The following RSBN1L variants were observed in gnomAD, a reference collection of about 807,000 sequenced individuals.
RSBN1L encodes the protein lysine-specific demethylase RSBN1L.
A neutral mutation model predicts 67.7 loss-of-function variants in RSBN1L; 30 were observed. The ratio of observed to expected loss-of-function variants is 0.44; its 90% CI spans 0.33 to 0.60. The LOEUF (loss-of-function observed/expected upper bound fraction) is 0.60. RSBN1L is among the 20% of genes least tolerant of loss of function. The probability of loss-of-function intolerance (pLI) is 0.02; values close to 1 mark genes in which losing one functional copy is unlikely to be tolerated. For missense variants in RSBN1L, 992 were observed against 1,031.7 expected (o/e 0.96, Z 0.53); for synonymous variants, 433 against 387.0 (o/e 1.12, Z -1.39).
intron 1 of RSBN1L, among the ~76,000 whole-genome samples, chr7:77,707,022 ATTT>A (rs1034017450): frequency 1.5e-5 from 2 of 137,652 alleles, no homozygotes; most frequent in African/African-American, 2.7e-5. Context: ...ATTAAACTAG[ATTT>A]TTTTTTTTTT....
intron 1 of RSBN1L, among the ~76,000 whole-genome samples, chr7:77,726,163 C>T (rs1460969150): frequency 6.6e-6 from 1 of 152,174 alleles, no homozygotes; most frequent in Non-Finnish European, 1.5e-5. Flanking sequence ...TAACATCTTA[C>T]ATTTTTCTAG....
At chr7:77,770,780 CTAATA>C (rs1288162537) in intron 5 of RSBN1L, among the ~76,000 whole-genome samples, 2 of 152,238 alleles carry the variant, frequency 1.3e-5, no homozygotes, top group African/African-American at 4.8e-5. Flanking sequence ...AGTAATGTAT[CTAATA>C]TGATTTTGTT....
chr7:77,753,698 A>G (rs1325420925), intron 3 of RSBN1L, among the ~76,000 whole-genome samples: 1 of 152,222 alleles, frequency 6.6e-6, no homozygotes, highest in Non-Finnish European at 1.5e-5. Flanking sequence ...CAAAGTCATT[A>G]ATATATTCTG....
chr7:77,704,615 A>G (rs1249937710), intron 1 of RSBN1L, among the ~76,000 whole-genome samples: 1 of 152,200 alleles, frequency 6.6e-6, no homozygotes, highest in South Asian at 2.1e-4. Flanking sequence ...TTCCAGACAT[A>G]AATAATTTCA....
chr7:77,741,463 G>A (rs1395010072), intron 2 of RSBN1L, among the ~76,000 whole-genome samples: 1 of 151,724 alleles, frequency 6.6e-6, no homozygotes, highest in Admixed American at 6.6e-5. Flanking sequence ...AGGCTGAGAT[G>A]GGTGGATCAT....
chr7:77,725,543 G>A (rs565632339), intron 1 of RSBN1L, among the ~76,000 whole-genome samples: 3 of 152,100 alleles, frequency 2.0e-5, no homozygotes, highest in East Asian at 3.9e-4. Flanking sequence ...CATGGCGCCC[G>A]GCCAGGGGTA....
At chr7:77,714,027 A>G (rs1267665427) in intron 1 of RSBN1L, among the ~76,000 whole-genome samples, 20 of 152,174 alleles carry the variant, frequency 1.3e-4, no homozygotes, top group Admixed American at 1.3e-3. Context: ...AAGATGTAGA[A>G]TGCTAATGTT....
In RSBN1L at chr7:77,767,958, C is replaced by A. The variant is rs528603328; in HGVS notation, c.1483-703C>A. Among the ~76,000 whole-genome samples the A allele has an allele frequency of 2.2e-3, 329 of 147,940 alleles. 3 individuals carry two copies. Among genetic ancestry groups the A allele is most frequent in the African/African-American group, 7.8e-3 (310 of 39,894 alleles). ...CTCCGCCTCCGAGGTTCAAGCGATT[C>A]TCCTGCCTCAACCTCCTGAGTAGCT... On this transcript the variant is annotated intron_variant, in intron 4 of 7. Coordinates refer to ENST00000334955, the MANE Select transcript of RSBN1L (RefSeq NM_198467.3).
At chr7:77,713,653 G>T (rs1791006723) in intron 1 of RSBN1L, among the ~76,000 whole-genome samples, 1 of 150,202 alleles carries the variant, frequency 6.7e-6, no homozygotes, top group Non-Finnish European at 1.5e-5. Flanking sequence ...ACCATGCCCG[G>T]CCTCTCTCTT....
At chr7:77,750,445 A>T (rs946001813) in intron 3 of RSBN1L, among the ~76,000 whole-genome samples, 1 of 152,000 alleles carries the variant, frequency 6.6e-6, no homozygotes. Context: ...TAAGGTACTT[A>T]GCACCAGGCC....
At chr7:77,710,672 C>T (rs767655209) in intron 1 of RSBN1L, among the ~76,000 whole-genome samples, 12 of 151,964 alleles carry the variant, frequency 7.9e-5, no homozygotes, top group East Asian at 5.8e-4. Flanking sequence ...CTTGGCTCAC[C>T]GTAAACTCTG....
chr7:77,713,150 CCTTTT>C (rs1168229257), intron 1 of RSBN1L, among the ~76,000 whole-genome samples: 2 of 152,046 alleles, frequency 1.3e-5, no homozygotes, highest in Admixed American at 6.5e-5. Context: ...AGGGACTTAT[CCTTTT>C]CTTTTTTTAA....
intron 1 of RSBN1L, among the ~76,000 whole-genome samples, chr7:77,711,551 C>G (rs1162535858): frequency 6.6e-6 from 1 of 152,066 alleles, no homozygotes; most frequent in East Asian, 1.9e-4. Flanking sequence ...CTGTGTTGCT[C>G]AGGCTGGTCT....
chr7:77,724,853 T>C (rs899638980), intron 1 of RSBN1L, among the ~76,000 whole-genome samples: 1 of 151,734 alleles, frequency 6.6e-6, no homozygotes, highest in Non-Finnish European at 1.5e-5. Flanking sequence ...TTTTGTTTTT[T>C]TTTTTTGAGA....
chr7:77,739,009 A>G (rs1006181978), intron 2 of RSBN1L, among the ~76,000 whole-genome samples: 2 of 152,208 alleles, frequency 1.3e-5, no homozygotes, highest in Non-Finnish European at 2.9e-5. Context: ...GTACATAGAT[A>G]ATTAAGTGAA....
chr7:77,701,258 T>G (rs1790815186), intron 1 of RSBN1L, among the ~76,000 whole-genome samples: 1 of 152,100 alleles, frequency 6.6e-6, no homozygotes. Context: ...TCTTTAGGCC[T>G]GCTGCATAGC....
intron 1 of RSBN1L, among the ~76,000 whole-genome samples, chr7:77,712,321 T>G (rs1790986649): frequency 6.6e-6 from 1 of 151,856 alleles, no homozygotes; most frequent in Admixed American, 6.6e-5. Context: ...TTCGCTCTGT[T>G]ATCCAGGCTG....
chr7:77,768,949 A>T (rs1791809789), intron 5 of RSBN1L, 146 bp downstream of exon 5: 2 of 639,382 alleles, frequency 3.1e-6, no homozygotes, highest in Non-Finnish European at 5.3e-6. Context: ...ATGCTAATAC[A>T]ATTTGTTATA....
In RSBN1L at chr7:77,778,352, G is replaced by A. The variant is rs371603540; in HGVS notation, c.1808G>A (p.Arg603His). 8.7e-6 allele frequency: 14 copies of A among 1,609,822 alleles called. No individual in the cohort carries two copies. Among genetic ancestry groups the A allele is most frequent in the African/African-American group, 6.7e-5 (5 of 74,718 alleles). The change falls in exon 7 of 8, where the codon CGT becomes CAT. Residue 603 changes from arginine (R) to histidine (H), a missense_variant. Transcript: ENST00000334955. ...TTCTTTTTTAGGCCTGATCAACCCC[G>A]TATAACCAAAGATGTAATTTGTTTT... is the stretch of plus-strand genomic sequence containing the variant. Reference protein sequence around the residue: ...VHCGEWPDQPRITKDVICFHA... With the variant: ...VHCGEWPDQPHITKDVICFHA...
Sources: allele counts gnomAD v4.1 joint callset (sites outside exome capture counted in the v4.1 genomes callset), GRCh38; gene constraint gnomAD v4.1.1; transcripts MANE v1.5; gene names NCBI Gene and HGNC (gene_info 2026-07-23, HGNC 2026-07-21).